The following DORIP1 variants were observed in gnomAD, a reference collection of about 807,000 sequenced individuals.
DORIP1 encodes the protein dopamine receptor interacting protein 1, also known as dopamine receptor-interacting protein 1.
the DORIP1 span, chr14:44,900,675 C>A: frequency 5.0e-6 from 8 of 1,612,288 alleles, no homozygotes; most frequent in Non-Finnish European, 5.9e-6. Flanking sequence ...CTAGGGAACT[C>A]TCTCTTCATT....
chr14:44,900,640 A>G, the DORIP1 span: 5 of 1,607,842 alleles, frequency 3.1e-6, no homozygotes, highest in East Asian at 2.2e-5. Context: ...ATTATATGTC[A>G]TTCTTAATGA....
chr14:44,903,778 T>C, the DORIP1 span: 5 of 969,258 alleles, frequency 5.2e-6, no homozygotes, highest in Non-Finnish European at 6.1e-6. Context: ...GGTAAAAATA[T>C]GTTCTGTTAA....
chr14:44,905,364 C>A, the DORIP1 span: 1 of 1,487,022 alleles, frequency 6.7e-7, no homozygotes, highest in Non-Finnish European at 9.1e-7. Context: ...ATTTAATTTG[C>A]AGGTATTTGT....
chr14:44,900,373 T>C, the DORIP1 span: 4 of 1,322,970 alleles, frequency 3.0e-6, no homozygotes, highest in East Asian at 2.5e-5. Flanking sequence ...TTTAAACATA[T>C]TATGCATTTA....
At chr14:44,903,845 CAG>C in the DORIP1 span, 3 of 984,952 alleles carry the variant, frequency 3.0e-6, no homozygotes, top group South Asian at 9.4e-5. Flanking sequence ...AATACTGAAA[CAG>C]ATGGTTTTCT....
chr14:44,904,197 T>C, the DORIP1 span: 1 of 985,346 alleles, frequency 1.0e-6, no homozygotes, highest in Admixed American at 6.1e-5. Context: ...ATTTCTAGTG[T>C]AAGGAACACA....
At chr14:44,898,308 C>T in the DORIP1 span, among the ~76,000 whole-genome samples, 1 of 151,838 alleles carries the variant, frequency 6.6e-6, no homozygotes. Context: ...TTCTTCCAAA[C>T]CTTCCCTCCT....
At chr14:44,900,231 A>C in the DORIP1 span, among the ~76,000 whole-genome samples, 2 of 152,192 alleles carry the variant, frequency 1.3e-5, no homozygotes, top group Admixed American at 6.6e-5. Flanking sequence ...TCAAAAAAAG[A>C]CTGCAGCTTC....
chr14:44,904,665 G>C, the DORIP1 span: 1 of 968,546 alleles, frequency 1.0e-6, no homozygotes, highest in Non-Finnish European at 1.4e-6. Flanking sequence ...ATTCTGAATA[G>C]AATCAGAATT....
At chr14:44,902,649 A>C in the DORIP1 span, among the ~76,000 whole-genome samples, 1 of 152,048 alleles carries the variant, frequency 6.6e-6, no homozygotes, top group East Asian at 1.9e-4. Flanking sequence ...AACTAGTTTC[A>C]TCTGTAAATA....
chr14:44,898,479 T>C, the DORIP1 span, among the ~76,000 whole-genome samples: 1 of 152,226 alleles, frequency 6.6e-6, no homozygotes. Context: ...TGCACTATTT[T>C]AGGAATCCGA....
chr14:44,906,055 CTTAGTTTA>C, the DORIP1 span: 5 of 149,304 alleles, frequency 3.3e-5, no homozygotes, highest in African/African-American at 1.2e-4. Flanking sequence ...TTATCGATGG[CTTAGTTTA>C]TTAGTTCGAT....
the DORIP1 span, chr14:44,900,769 A>G: frequency 6.2e-7 from 1 of 1,614,170 alleles, no homozygotes; most frequent in Non-Finnish European, 8.5e-7. Flanking sequence ...GATTTGGGAC[A>G]AGATGGAAAA....
At chr14:44,898,729 G>T in the DORIP1 span, among the ~76,000 whole-genome samples, 3 of 152,002 alleles carry the variant, frequency 2.0e-5, no homozygotes, top group African/African-American at 7.3e-5. Context: ...TCAATGTGTT[G>T]GCCAACTAGA....
the DORIP1 span, chr14:44,903,321 A>G: frequency 3.1e-6 from 5 of 1,591,426 alleles, no homozygotes; most frequent in Admixed American, 3.4e-5. Flanking sequence ...GACATTTAAA[A>G]TGACAGTATG....
the DORIP1 span, chr14:44,904,442 C>T: frequency 1.9e-6 from 3 of 1,611,390 alleles, no homozygotes; most frequent in Admixed American, 5.0e-5. Context: ...TGCCATGGGG[C>T]ACCCCCTTTT....
the DORIP1 span, chr14:44,900,417 T>G: frequency 1.4e-6 from 2 of 1,436,572 alleles, no homozygotes; most frequent in Admixed American, 2.7e-5. Flanking sequence ...TGTTCTGTTT[T>G]AAACTTTTAA....
At chr14:44,906,467 G>T in the DORIP1 span, 22 of 152,426 alleles carry the variant, frequency 1.4e-4, no homozygotes, top group East Asian at 4.2e-3. Flanking sequence ...ACAGAGAAAA[G>T]AATACTTAAA....
the DORIP1 span, chr14:44,905,597 C>G: frequency 8.7e-4 from 1,133 of 1,309,214 alleles, 2 homozygotes; most frequent in Middle Eastern, 1.4e-3. Context: ...CCATGCTCTC[C>G]CAGATGAAGG....
Sources: gnomAD v4.1 joint callset for allele counts (sites outside exome capture counted in the v4.1 genomes callset) on GRCh38, gnomAD v4.1.1 for gene constraint, MANE v1.5 for transcripts, NCBI Gene and HGNC (gene_info 2026-07-23, HGNC 2026-07-21) for gene names.